PRKCE: variants seen among roughly 807,000 people sequenced by gnomAD.
PRKCE encodes the protein protein kinase C epsilon type.
A neutral mutation model predicts 85.4 loss-of-function variants in PRKCE; 16 were observed. That is an observed-to-expected ratio of 0.19 (90% confidence interval 0.13 to 0.28). The LOEUF is 0.28. Ranked by LOEUF, PRKCE falls within the 10% of genes least tolerant of loss-of-function variation. The pLI is 1.00. For synonymous variants in PRKCE, 388 were observed against 371.5 expected (o/e 1.04, Z -0.51); for missense variants, 573 against 975.2 (o/e 0.59, Z 5.49).
At chr2:45,878,259 T>G (rs567684829) in intron 2 of PRKCE, among the ~76,000 whole-genome samples, 26 of 152,358 alleles carry the variant, frequency 1.7e-4, no homozygotes, top group African/African-American at 5.3e-4. Flanking sequence ...TGCTTGGAAA[T>G]CTTATCTGGA....
intron 2 of PRKCE, among the ~76,000 whole-genome samples, chr2:45,946,333 A>G (rs1700241161): frequency 6.6e-6 from 1 of 152,174 alleles, no homozygotes; most frequent in East Asian, 1.9e-4. Context: ...TCTTCACTTG[A>G]ATCTACTTTC....
intron 1 of PRKCE, among the ~76,000 whole-genome samples, chr2:45,750,088 A>G (rs1683430390): frequency 1.3e-5 from 2 of 152,214 alleles, no homozygotes; most frequent in African/African-American, 4.8e-5. Flanking sequence ...CCTTTGTTCT[A>G]CACCCAAAGG....
chr2:45,984,085 G>C (rs185306345), intron 5 of PRKCE, among the ~76,000 whole-genome samples: 17 of 151,804 alleles, frequency 1.1e-4, no homozygotes, highest in African/African-American at 3.6e-4. Flanking sequence ...TTACAGGCTC[G>C]CACCACCATG....
intron 1 of PRKCE, among the ~76,000 whole-genome samples, chr2:45,779,586 GC>G: frequency 6.8e-6 from 1 of 147,854 alleles, no homozygotes; most frequent in East Asian, 2.0e-4. Context: ...TTTAAATAAT[GC>G]AGAAATATAT....
chr2:46,039,528 T>C (rs1011579324), intron 10 of PRKCE, among the ~76,000 whole-genome samples: 1 of 152,172 alleles, frequency 6.6e-6, no homozygotes, highest in African/African-American at 2.4e-5. Flanking sequence ...TTGTTGTTGT[T>C]TTTTTGTTTG....
At chr2:45,848,848 A>G (rs1692008457) in intron 2 of PRKCE, among the ~76,000 whole-genome samples, 1 of 152,238 alleles carries the variant, frequency 6.6e-6, no homozygotes, top group African/African-American at 2.4e-5. Flanking sequence ...CCAAGTAGGA[A>G]TAAGTCGGGA....
intron 10 of PRKCE, among the ~76,000 whole-genome samples, chr2:46,054,199 T>C (rs1472676562): frequency 1.3e-5 from 2 of 152,238 alleles, no homozygotes; most frequent in Non-Finnish European, 2.9e-5. Context: ...TTACTGTTAT[T>C]ACTTCTGTAT....
chr2:46,079,636 C>A (rs1168595743), intron 10 of PRKCE, among the ~76,000 whole-genome samples: 1 of 152,196 alleles, frequency 6.6e-6, no homozygotes, highest in Non-Finnish European at 1.5e-5. Flanking sequence ...CAAGCCTGGT[C>A]TTTAGTTGGT....
intron 10 of PRKCE, among the ~76,000 whole-genome samples, chr2:46,025,199 C>T (rs370478128): frequency 2.9e-4 from 44 of 152,146 alleles, no homozygotes; most frequent in African/African-American, 9.7e-4. Flanking sequence ...GATTGCCAGA[C>T]GTGGTGACTG....
chr2:45,880,074 G>T (rs1694770179), intron 2 of PRKCE, among the ~76,000 whole-genome samples: 1 of 152,064 alleles, frequency 6.6e-6, no homozygotes, highest in South Asian at 2.1e-4. Context: ...TTTACCTCTA[G>T]GAGATCAGCT....
chr2:46,168,360 G>A (rs2104636909), intron 14 of PRKCE, among the ~76,000 whole-genome samples: 1 of 152,284 alleles, frequency 6.6e-6, no homozygotes, highest in African/African-American at 2.4e-5. Flanking sequence ...GGCCACGCCT[G>A]ATCAAACCAG....
At chr2:45,795,941 A>G (rs1054326528) in intron 1 of PRKCE, among the ~76,000 whole-genome samples, 3 of 152,252 alleles carry the variant, frequency 2.0e-5, no homozygotes, top group Non-Finnish European at 4.4e-5. Flanking sequence ...TCAAGCATTC[A>G]GAAAAGTTGA....
chr2:45,860,445 G>A (rs923967850), intron 2 of PRKCE, among the ~76,000 whole-genome samples: 2 of 152,204 alleles, frequency 1.3e-5, no homozygotes, highest in East Asian at 1.9e-4. Flanking sequence ...GCCCCCTGAT[G>A]GGCTGGCACT....
chr2:45,804,754 C>G (rs557690609), intron 1 of PRKCE, among the ~76,000 whole-genome samples: 1 of 152,284 alleles, frequency 6.6e-6, no homozygotes, highest in Admixed American at 6.5e-5. Flanking sequence ...GGCTGAGGGA[C>G]TTAACATTAC....
At chr2:45,653,800 T>A (rs1169581254) in intron 1 of PRKCE, among the ~76,000 whole-genome samples, 1 of 152,168 alleles carries the variant, frequency 6.6e-6, no homozygotes, top group Admixed American at 6.5e-5. Context: ...AACTCTAGAT[T>A]TGTGGTTTGC....
At chr2:46,016,077 A>C (rs1706118587) in intron 10 of PRKCE, among the ~76,000 whole-genome samples, 1 of 152,224 alleles carries the variant, frequency 6.6e-6, no homozygotes, top group Non-Finnish European at 1.5e-5. Context: ...TGGCAGAATC[A>C]GTTATTAATA....
At chr2:45,996,050 G>A (rs1367072474) in intron 6 of PRKCE, among the ~76,000 whole-genome samples, 1 of 151,956 alleles carries the variant, frequency 6.6e-6, no homozygotes, top group Non-Finnish European at 1.5e-5. Context: ...CGGTTTTGTA[G>A]TTCTACTTAT....
At chr2:45,761,696 G>T (rs1446519475) in intron 1 of PRKCE, among the ~76,000 whole-genome samples, 1 of 152,084 alleles carries the variant, frequency 6.6e-6, no homozygotes, top group Non-Finnish European at 1.5e-5. Context: ...ACAGTCTTCT[G>T]TTCTAAGCTT....
At chr2:46,104,525 G>T (rs1671537081) in intron 11 of PRKCE, among the ~76,000 whole-genome samples, 1 of 151,920 alleles carries the variant, frequency 6.6e-6, no homozygotes, top group African/African-American at 2.4e-5. Flanking sequence ...GTTCTTTTCT[G>T]TAGCATTGGC....
Sources: gnomAD v4.1 joint callset for allele counts (sites outside exome capture counted in the v4.1 genomes callset) on GRCh38, gnomAD v4.1.1 for gene constraint, MANE v1.5 for transcripts, NCBI Gene and HGNC (gene_info 2026-07-23, HGNC 2026-07-21) for gene names.